THRB: variants seen among roughly 807,000 people sequenced by gnomAD.
THRB encodes the protein thyroid hormone receptor beta.
Under a neutral mutation model 47.8 loss-of-function variants are expected in THRB, and 12 were observed. The observed-to-expected ratio is 0.25, with a 90% CI of 0.16 to 0.41. The LOEUF is 0.41. THRB is among the 10% of genes least tolerant of loss of function. THRB has a pLI of 1.00. For missense variants in THRB, 348 were observed against 589.2 expected, an observed-to-expected ratio of 0.59 and a Z score of 4.24; for synonymous variants, 218 against 212.2, an observed-to-expected ratio of 1.03 and a Z score of -0.24.
intron 3 of THRB, among the ~76,000 whole-genome samples, chr3:24,269,779 T>C (rs1290005257): frequency 1.3e-5 from 2 of 152,110 alleles, no homozygotes; most frequent in Admixed American, 1.3e-4. Context: ...GCTTCTGTGT[T>C]CCATCACTAT....
intron 5 of THRB, 42 bp downstream of exon 5, chr3:24,190,032 T>G: frequency 1.3e-6 from 2 of 1,599,558 alleles, no homozygotes; most frequent in Non-Finnish European, 1.7e-6. Context: ...ATTTTTTTTC[T>G]TGTTGAAACA....
chr3:24,301,314 T>A (rs965695373), intron 2 of THRB, among the ~76,000 whole-genome samples: 8 of 152,204 alleles, frequency 5.3e-5, no homozygotes, highest in Non-Finnish European at 1.0e-4. Flanking sequence ...TACCATAAAC[T>A]TTTGTGTTTG....
intron 5 of THRB, among the ~76,000 whole-genome samples, chr3:24,177,655 T>C (rs1305875777): frequency 6.6e-6 from 1 of 152,212 alleles, no homozygotes; most frequent in Non-Finnish European, 1.5e-5. Flanking sequence ...GATGTCTGAA[T>C]TGGGCCTTGA....
intron 1 of THRB, among the ~76,000 whole-genome samples, chr3:24,457,586 G>A (rs919080810): frequency 4.6e-5 from 7 of 152,044 alleles, no homozygotes; most frequent in African/African-American, 9.7e-5. Context: ...AGTGACATGC[G>A]AACAGAAACC....
chr3:24,292,807 C>A (rs2056068417), intron 3 of THRB, among the ~76,000 whole-genome samples: 2 of 152,036 alleles, frequency 1.3e-5, no homozygotes, highest in Admixed American at 1.3e-4. Context: ...ATGTTTGGAC[C>A]AGATCCCTCG....
intron 3 of THRB, among the ~76,000 whole-genome samples, chr3:24,286,652 C>T (rs527814728): frequency 1.2e-4 from 18 of 152,310 alleles, no homozygotes; most frequent in Non-Finnish European, 2.1e-4. Flanking sequence ...ACGCATTTCA[C>T]TAGCAGCTTT....
chr3:24,437,005 T>C (rs2071025763), intron 1 of THRB, among the ~76,000 whole-genome samples: 2 of 151,772 alleles, frequency 1.3e-5, no homozygotes, highest in African/African-American at 4.8e-5. Context: ...ATCCAGTCCC[T>C]GCATCAATCA....
At chr3:24,151,301 C>T (rs12107587) in intron 6 of THRB, among the ~76,000 whole-genome samples, 4,658 of 152,172 alleles carry the variant, frequency 0.031, 107 homozygotes, top group South Asian at 0.078. Flanking sequence ...AAGGAAAACA[C>T]CTTAATTTGA....
At chr3:24,363,133 C>T (rs2149669238) in intron 1 of THRB, among the ~76,000 whole-genome samples, 1 of 152,208 alleles carries the variant, frequency 6.6e-6, no homozygotes, top group South Asian at 2.1e-4. Flanking sequence ...GTATTATGAT[C>T]ATGGGAAATA....
chr3:24,323,339 T>C (rs1243349276), intron 2 of THRB, among the ~76,000 whole-genome samples: 1 of 152,158 alleles, frequency 6.6e-6, no homozygotes, highest in East Asian at 1.9e-4. Flanking sequence ...TTAATGGCTC[T>C]GTTTGTTTTC....
intron 4 of THRB, among the ~76,000 whole-genome samples, chr3:24,210,416 T>G (rs1408675651): frequency 6.6e-6 from 1 of 152,046 alleles, no homozygotes; most frequent in Non-Finnish European, 1.5e-5. Context: ...GTTTGTTTTT[T>G]TTTTTTGCTT....
At chr3:24,335,189 G>C (rs766997129) in intron 2 of THRB, among the ~76,000 whole-genome samples, 2 of 152,122 alleles carry the variant, frequency 1.3e-5, no homozygotes, top group Non-Finnish European at 2.9e-5. Flanking sequence ...CACACTGGGA[G>C]GGCAATGATT....
intron 2 of THRB, among the ~76,000 whole-genome samples, chr3:24,308,037 C>A (rs1291714888): frequency 6.6e-6 from 1 of 152,112 alleles, no homozygotes; most frequent in East Asian, 1.9e-4. Context: ...TGAAGAAGGG[C>A]AGGCTGTAAG....
intron 1 of THRB, among the ~76,000 whole-genome samples, chr3:24,343,874 T>C (rs2062838660): frequency 6.7e-6 from 1 of 149,058 alleles, no homozygotes; most frequent in African/African-American, 2.4e-5. Context: ...ATGGGTATAT[T>C]TGGCAGAATG....
intron 3 of THRB, among the ~76,000 whole-genome samples, chr3:24,254,198 C>G (rs1388454302): frequency 1.9e-5 from 1 of 52,614 alleles, no homozygotes; most frequent in Non-Finnish European, 3.5e-5. Flanking sequence ...CCTGTCTCTA[C>G]TAAAAAAAAA....
intron 2 of THRB, among the ~76,000 whole-genome samples, chr3:24,307,350 A>G (rs184150534): frequency 7.6e-4 from 116 of 152,218 alleles, no homozygotes; most frequent in African/African-American, 2.5e-3. Flanking sequence ...GCAACTATTC[A>G]GATCTCTCAA....
rs58200122 is a variant in THRB at position 24,269,442 on chromosome 3, C to CACACACAT, written c.-43+27783_-43+27784insATGTGTGT. ...ACACACACACACACACACACACACA[C>CACACACAT]TTAAGTTATCTTCGCTGTGTTGTCC... On this transcript the variant is annotated intron_variant, in intron 3 of 10. Coordinates refer to ENST00000646209, the MANE Select transcript of THRB (RefSeq NM_001354712.2). Among the ~76,000 whole-genome samples, 17 of 141,114 alleles carry CACACACAT rather than the reference C, an allele frequency of 1.2e-4. No homozygotes were observed. In the East Asian group the frequency reaches 1.7e-3, roughly 14 times the overall value. 92.6% of individuals were successfully genotyped at this position (141,114 alleles called of 152,430 possible). A position where few individuals can be genotyped will look rare whatever the true frequency, so the allele number is the denominator to read the frequency against.
chr3:24,146,606 G>A (rs182526356), intron 7 of THRB, 69 bp downstream of exon 7: 16 of 1,545,500 alleles, frequency 1.0e-5, no homozygotes, highest in South Asian at 6.7e-5. Flanking sequence ...CTGCCCAGTC[G>A]ATCTCCTTGA....
chr3:24,139,513 A>G (rs140563884), intron 8 of THRB, among the ~76,000 whole-genome samples: 1 of 152,062 alleles, frequency 6.6e-6, no homozygotes, highest in Non-Finnish European at 1.5e-5. Flanking sequence ...CCTCCTGAGT[A>G]GTGGGGAACC....
Sources: allele counts gnomAD v4.1 joint callset (sites outside exome capture counted in the v4.1 genomes callset), GRCh38; gene constraint gnomAD v4.1.1; transcripts MANE v1.5; gene names NCBI Gene and HGNC (gene_info 2026-07-23, HGNC 2026-07-21).